Variants in TGFBR3 observed in about 807,000 individuals in gnomAD.
TGFBR3 encodes transforming growth factor beta receptor type 3.
In TGFBR3, 46 loss-of-function variants were observed where a neutral mutation model predicts 87.9. The ratio of observed to expected loss-of-function variants is 0.52; its 90% CI spans 0.41 to 0.67. TGFBR3 has a LOEUF of 0.67. TGFBR3 is among the 30% of genes least tolerant of loss of function. The pLI, the probability that TGFBR3 is intolerant of heterozygous loss-of-function variation, is 0.00. For missense variants in TGFBR3, 866 were observed against 1,041.9 expected (o/e 0.83, Z 2.32); for synonymous variants, 381 against 391.6 (o/e 0.97, Z 0.32).
At chr1:91,798,789 TA>T (rs1240668826) in intron 2 of TGFBR3, among the ~76,000 whole-genome samples, 5 of 152,032 alleles carry the variant, frequency 3.3e-5, no homozygotes, top group African/African-American at 9.7e-5. Flanking sequence ...TCATTGAGCT[TA>T]AAAAAAATTG....
intron 3 of TGFBR3, among the ~76,000 whole-genome samples, chr1:91,790,182 C>G (rs1178406831): frequency 2.6e-5 from 4 of 152,162 alleles, no homozygotes; most frequent in Non-Finnish European, 5.9e-5. Context: ...CAACGGTGGT[C>G]TCATAAGATT....
chr1:91,800,485 G>A (rs1009839783), intron 2 of TGFBR3, among the ~76,000 whole-genome samples: 1 of 150,838 alleles, frequency 6.6e-6, no homozygotes, highest in Non-Finnish European at 1.5e-5. Context: ...ACTCCAGCCT[G>A]GGTGACAGAG....
At chr1:91,898,998 A>G (rs7550028) in intron 2 of TGFBR3, among the ~76,000 whole-genome samples, 67,067 of 152,012 alleles carry the variant, frequency 0.44, 15,178 homozygotes, top group Non-Finnish European at 0.51. Context: ...TAACCACTCA[A>G]TTTTCCTCCT....
At chr1:91,711,319 A>G (rs1671975339) in intron 13 of TGFBR3, among the ~76,000 whole-genome samples, 1 of 152,256 alleles carries the variant, frequency 6.6e-6, no homozygotes, top group Admixed American at 6.5e-5. Flanking sequence ...AAGGATGCCC[A>G]GGGGACTATA....
At chr1:91,686,524 G>A (rs1671094984) in intron 16 of TGFBR3, among the ~76,000 whole-genome samples, 1 of 152,158 alleles carries the variant, frequency 6.6e-6, no homozygotes, top group African/African-American at 2.4e-5. Context: ...ATCCTTTCCA[G>A]TTCTGTGGCT....
intron 2 of TGFBR3, among the ~76,000 whole-genome samples, chr1:91,834,137 G>A (rs1256424143): frequency 1.3e-5 from 2 of 152,032 alleles, no homozygotes; most frequent in African/African-American, 2.4e-5. Context: ...TCATGTTTCT[G>A]GCAAACTTGT....
intron 2 of TGFBR3, chr1:91,800,931 A>C (rs766967689): frequency 1.0e-5 from 2 of 193,016 alleles, no homozygotes; most frequent in South Asian, 1.5e-4. Context: ...TAAAAATACA[A>C]AAATTAGCTG....
In TGFBR3 at chr1:91,691,313, C is replaced by T. The variant is rs557716548; in HGVS notation, c.2437+4359G>A. On this transcript the variant is annotated intron_variant, in intron 16 of 16. Coordinates refer to ENST00000212355, the MANE Select transcript of TGFBR3 (RefSeq NM_003243.5). ...AAACTGAAAGGGCCCAATTAGTGAC[C>T]AGCATAATGTATAAACATACACCTA... Among the ~76,000 whole-genome samples the T allele has an allele frequency of 9.5e-4, 144 of 152,094 alleles. 1 individual carries two copies. The highest frequency in any genetic ancestry group is 3.3e-3 in the African/African-American group (135 of 41,492).
At chr1:91,841,447 T>C (rs1677275159) in intron 2 of TGFBR3, among the ~76,000 whole-genome samples, 2 of 152,192 alleles carry the variant, frequency 1.3e-5, no homozygotes, top group South Asian at 4.1e-4. Flanking sequence ...AGCAGTTTTA[T>C]CCAATATTGC....
chr1:91,749,163 G>T (rs961501210), intron 4 of TGFBR3, among the ~76,000 whole-genome samples: 13 of 152,164 alleles, frequency 8.5e-5, no homozygotes, highest in Non-Finnish European at 1.9e-4. Context: ...CCAAACAGCA[G>T]CTCTGAACAT....
intron 2 of TGFBR3, among the ~76,000 whole-genome samples, chr1:91,816,201 T>G (rs939521672): frequency 1.3e-5 from 2 of 152,010 alleles, no homozygotes; most frequent in African/African-American, 4.8e-5. Context: ...TACAACAGAT[T>G]GGTCACTTAG....
chr1:91,764,327 A>AC (rs2100912509), intron 3 of TGFBR3, among the ~76,000 whole-genome samples: 1 of 122,548 alleles, frequency 8.2e-6, no homozygotes, highest in African/African-American at 2.6e-5. Flanking sequence ...CAAAAAAAAA[A>AC]AAAAAAAAAA....
At chr1:91,843,933 C>T (rs908019641) in intron 2 of TGFBR3, among the ~76,000 whole-genome samples, 1 of 152,168 alleles carries the variant, frequency 6.6e-6, no homozygotes, top group Non-Finnish European at 1.5e-5. Flanking sequence ...AGGGTAAAAT[C>T]TCTACAAAAT....
In TGFBR3 at chr1:91,716,612, C is replaced by G; in HGVS notation, c.1663G>C (p.Asp555His). The G allele has an allele frequency of 1.2e-6, 2 of 1,614,168 alleles. No individual in the cohort carries two copies. The highest frequency in any genetic ancestry group is 2.2e-5 in the East Asian group (1 of 44,890). ...SGDNGFPGDM[D>H]EGDASLFTRP... ...GTGAACAGGGAAGCATCTCCTTCAT[C>G]CATATCTCCCGGAAATCCATTATCA... Residue 555 changes from aspartate (D) to histidine (H), a missense_variant, in exon 11 of 17, where the codon GAT becomes CAT. By Grantham distance (81) the Asp-to-His change is moderately conservative. Transcript: ENST00000212355.
At chr1:91,773,812 A>T (rs1427252472) in intron 3 of TGFBR3, among the ~76,000 whole-genome samples, 2 of 152,238 alleles carry the variant, frequency 1.3e-5, no homozygotes, top group African/African-American at 2.4e-5. Context: ...AATTTTAAAA[A>T]GTTTAGTTTA....
At chr1:91,903,338 C>CAA (rs58672104) in intron 1 of TGFBR3, among the ~76,000 whole-genome samples, 13,997 of 50,266 alleles carry the variant, frequency 0.28, 3,999 homozygotes, top group Middle Eastern at 0.55. Flanking sequence ...GATTCTGCCT[C>CAA]AAAAAAAAAA....
chr1:91,754,452 T>A (rs1325663784), intron 4 of TGFBR3, among the ~76,000 whole-genome samples: 6 of 152,200 alleles, frequency 3.9e-5, no homozygotes, highest in Non-Finnish European at 7.3e-5. Context: ...TACAACTTCA[T>A]CACGTGTGTG....
intron 2 of TGFBR3, among the ~76,000 whole-genome samples, chr1:91,806,757 C>A (rs1675848819): frequency 6.6e-6 from 1 of 152,126 alleles, no homozygotes; most frequent in African/African-American, 2.4e-5. Flanking sequence ...CTAATGACAC[C>A]ATTGGCTAAT....
At chr1:91,818,112 C>T (rs1676300235) in intron 2 of TGFBR3, among the ~76,000 whole-genome samples, 1 of 151,996 alleles carries the variant, frequency 6.6e-6, no homozygotes, top group South Asian at 2.1e-4. Context: ...ACAAGTCCTT[C>T]CTACGCGTGT....
Sources: allele counts gnomAD v4.1 joint callset (sites outside exome capture counted in the v4.1 genomes callset), GRCh38; gene constraint gnomAD v4.1.1; transcripts MANE v1.5; gene names NCBI Gene and HGNC (gene_info 2026-07-23, HGNC 2026-07-21).